Variants in MAGI1 observed in about 807,000 individuals in gnomAD.
The protein encoded by MAGI1 is membrane-associated guanylate kinase, WW and PDZ domain-containing protein 1.
A neutral mutation model predicts 139.9 loss-of-function variants in MAGI1; 58 were observed. That is an observed-to-expected ratio of 0.41 (90% CI 0.34 to 0.52). The LOEUF is 0.52. Among genes scored for constraint, MAGI1 ranks in the 20% least tolerant of loss-of-function variants. MAGI1 has a pLI of 0.12. For missense variants in MAGI1, 1,874 were observed against 1,901.6 expected (o/e 0.99, Z 0.27); for synonymous variants, 812 against 737.9 (o/e 1.10, Z -1.63).
chr3:65,660,737 A>G (rs1367213478), intron 1 of MAGI1, among the ~76,000 whole-genome samples: 1 of 152,224 alleles, frequency 6.6e-6, no homozygotes, highest in Non-Finnish European at 1.5e-5. Context: ...TCACTTTCAG[A>G]TTAAACAAAT....
At chr3:65,918,932 CA>C (rs1251946502) in intron 1 of MAGI1, among the ~76,000 whole-genome samples, 16 of 143,878 alleles carry the variant, frequency 1.1e-4, no homozygotes, top group Admixed American at 2.1e-4. Context: ...TCCTCATTTT[CA>C]AAAAAAAAAC....
At chr3:66,012,156 T>C (rs1006591102) in intron 1 of MAGI1, among the ~76,000 whole-genome samples, 4 of 152,216 alleles carry the variant, frequency 2.6e-5, no homozygotes, top group Non-Finnish European at 4.4e-5. Context: ...AAACATTCTA[T>C]GCTCAGTTAA....
chr3:65,699,320 G>T (rs529540289), intron 1 of MAGI1, among the ~76,000 whole-genome samples: 1 of 144,054 alleles, frequency 6.9e-6, no homozygotes, highest in South Asian at 2.2e-4. Flanking sequence ...TCAGTGTGGC[G>T]ATTCCTCAGG....
chr3:65,470,020 T>C (rs1270494594), intron 5 of MAGI1: 2 of 175,134 alleles, frequency 1.1e-5, no homozygotes, highest in Non-Finnish European at 2.4e-5. Flanking sequence ...TTGAATATTA[T>C]GTCATAATTT....
chr3:65,385,641 A>C (rs919767268), intron 14 of MAGI1, among the ~76,000 whole-genome samples: 1 of 152,208 alleles, frequency 6.6e-6, no homozygotes, highest in Non-Finnish European at 1.5e-5. Context: ...AGTACAAGTC[A>C]GAGGAGTTTG....
At chr3:65,599,832 C>G (rs1359283600) in intron 2 of MAGI1, among the ~76,000 whole-genome samples, 1 of 152,054 alleles carries the variant, frequency 6.6e-6, no homozygotes, top group East Asian at 1.9e-4. Context: ...CTGGACCTGC[C>G]AGAAAAAAGC....
rs1277901943 is a variant in MAGI1 at position 66,038,904 on chromosome 3, G to A, written c.-596C>T. 2.6e-5 allele frequency: 4 copies of A among 152,184 alleles called. No individual in the cohort carries two copies. Among genetic ancestry groups the A allele is most frequent in the Non-Finnish European group, 5.9e-5 (4 of 68,028 alleles). 9.4% of individuals were successfully genotyped at this position (152,184 alleles called of 1,614,324 possible). ...CGCGGAGCGCAGCGGCCGGCGACAG[G>A]AGACGCGCGCGCATGCGCCCCGCGG... On this transcript the variant is annotated 5_prime_UTR_variant, in exon 1 of 23. Transcript: ENST00000402939.
At chr3:65,661,750 T>TG (rs2086205747) in intron 1 of MAGI1, among the ~76,000 whole-genome samples, 1 of 135,404 alleles carries the variant, frequency 7.4e-6, no homozygotes, top group Non-Finnish European at 1.6e-5. Context: ...TTTCTGTTTT[T>TG]TTTTTTTTTT....
chr3:65,722,014 C>T (rs12492488), intron 1 of MAGI1, among the ~76,000 whole-genome samples: 3,152 of 152,184 alleles, frequency 0.021, 51 homozygotes, highest in Non-Finnish European at 0.032. Context: ...GTCTTGCTTT[C>T]CACTATGAGT....
At chr3:65,611,107 T>C (rs1205362468) in intron 2 of MAGI1, among the ~76,000 whole-genome samples, 5 of 138,908 alleles carry the variant, frequency 3.6e-5, no homozygotes, top group African/African-American at 1.0e-4. Flanking sequence ...ATATATAGTA[T>C]ATTATATACG....
intron 10 of MAGI1, among the ~76,000 whole-genome samples, chr3:65,431,704 G>A (rs887661216): frequency 5.3e-5 from 8 of 151,952 alleles, no homozygotes; most frequent in Admixed American, 5.3e-4. Flanking sequence ...AATAAATTAG[G>A]CTGGGGGTGT....
intron 1 of MAGI1, among the ~76,000 whole-genome samples, chr3:66,037,780 C>T (rs959329627): frequency 6.6e-6 from 1 of 152,198 alleles, no homozygotes; most frequent in Non-Finnish European, 1.5e-5. Flanking sequence ...CCCCCCGCTA[C>T]CTTGCGCAAA....
intron 1 of MAGI1, among the ~76,000 whole-genome samples, chr3:65,676,043 G>A (rs1447162313): frequency 6.6e-6 from 1 of 152,202 alleles, no homozygotes; most frequent in African/African-American, 2.4e-5. Context: ...TGTAAAGAAA[G>A]CATGTGATAA....
intron 1 of MAGI1, among the ~76,000 whole-genome samples, chr3:65,903,070 C>G (rs940939342): frequency 5.9e-5 from 9 of 152,086 alleles, no homozygotes; most frequent in Admixed American, 5.9e-4. Context: ...CTCACTGCAG[C>G]CTCAACCTCG....
intron 1 of MAGI1, among the ~76,000 whole-genome samples, chr3:65,768,396 C>A (rs1013783635): frequency 6.6e-6 from 1 of 151,750 alleles, no homozygotes; most frequent in Non-Finnish European, 1.5e-5. Context: ...CTCCAACCTA[C>A]GTGACAGAGC....
At chr3:65,582,264 C>G (rs557105655) in intron 2 of MAGI1, among the ~76,000 whole-genome samples, 1 of 152,140 alleles carries the variant, frequency 6.6e-6, no homozygotes, top group Non-Finnish European at 1.5e-5. Flanking sequence ...GAGTAAGCTC[C>G]CTGTGAACAA....
In MAGI1 at chr3:65,478,644, G is replaced by C; in HGVS notation, c.705C>G (p.His235Gln). ...CGTCATCCTCCTCCTCATTCTCCGC[G>C]TGGACTATGCCAGCATTTTGCATAT... ...YNDMQNAGIV[H>Q]AENEEEDDVP... The change falls in exon 4 of 23, where the codon CAC becomes CAG. Residue 235 changes from histidine to glutamine, a missense_variant. By Grantham distance (24) the His-to-Gln change is conservative (BLOSUM62 0). Transcript: ENST00000402939. The C allele has an allele frequency of 1.2e-6, 2 of 1,613,946 alleles. No homozygotes were observed. The highest frequency in any genetic ancestry group is 1.7e-6 in the Non-Finnish European group (2 of 1,179,968).
intron 4 of MAGI1, among the ~76,000 whole-genome samples, chr3:65,473,327 G>T (rs1010973180): frequency 1.3e-5 from 2 of 152,038 alleles, no homozygotes; most frequent in African/African-American, 4.8e-5. Context: ...CATATTTCTC[G>T]ATCTGTAAAA....
chr3:65,592,873 C>G (rs1203370143), intron 2 of MAGI1, among the ~76,000 whole-genome samples: 1 of 152,090 alleles, frequency 6.6e-6, no homozygotes, highest in Admixed American at 6.6e-5. Context: ...TCATTTTTAC[C>G]TTATTCCCTA....
Sources: gnomAD v4.1 joint callset for allele counts (sites outside exome capture counted in the v4.1 genomes callset) on GRCh38, gnomAD v4.1.1 for gene constraint, MANE v1.5 for transcripts, NCBI Gene and HGNC (gene_info 2026-07-23, HGNC 2026-07-21) for gene names.